Variants in ANKRD31 observed in about 807,000 individuals in gnomAD.
ANKRD31 encodes ankyrin repeat domain-containing protein 31.
Under a neutral mutation model 186.0 loss-of-function variants are expected in ANKRD31, and 147 were observed. That is an observed-to-expected ratio of 0.79 (90% CI 0.69 to 0.91). The LOEUF is 0.91. Among genes scored for constraint, ANKRD31 ranks in the 40% least tolerant of loss-of-function variants. The pLI, the probability that ANKRD31 is intolerant of heterozygous loss-of-function variation, is 0.00. For missense variants in ANKRD31, 1,986 were observed against 2,148.8 expected (o/e 0.92, Z 1.50); for synonymous variants, 673 against 736.4 (o/e 0.91, Z 1.39).
At position 75,188,566 on chromosome 5, in the gene ANKRD31, A is replaced by G. The variant is rs1189623266; in HGVS notation, c.1491T>C (p.Ala497=). Residue 497 remains alanine, a synonymous_variant, in exon 10 of 26, where the codon GCT becomes GCC. Coordinates refer to ENST00000506364, the MANE Select transcript of ANKRD31 (RefSeq NM_001372053.1). ...GAACAAGATCAGCATCATCGTGTAG[A>G]GCAGCCTTATATACTAAGTTCTCTC... ...IFGENLVYKA[A]LHDDADLVHH... 6.5e-7 allele frequency: 1 copy of G among 1,536,456 alleles called. No individual in the cohort carries two copies. Among genetic ancestry groups the G allele is most frequent in the Non-Finnish European group, 8.7e-7 (1 of 1,146,498 alleles).
At chr5:75,100,554 G>T (rs1394681027) in intron 22 of ANKRD31, among the ~76,000 whole-genome samples, 1 of 152,104 alleles carries the variant, frequency 6.6e-6, no homozygotes, top group South Asian at 2.1e-4. Context: ...TTGTGTGGGG[G>T]TCTAAGTCTC....
At chr5:75,212,594 C>A (rs1258456212) in intron 3 of ANKRD31, among the ~76,000 whole-genome samples, 3 of 152,184 alleles carry the variant, frequency 2.0e-5, no homozygotes, top group Admixed American at 1.3e-4. Flanking sequence ...GATGGCACCA[C>A]TGCACCCCAG....
chr5:75,116,448 A>G, intron 19 of ANKRD31, 118 bp downstream of exon 19: 1 of 375,344 alleles, frequency 2.7e-6, no homozygotes, highest in Non-Finnish European at 4.4e-6. Context: ...ATAAATAAAA[A>G]ATTTCTATCT....
At position 75,084,302 on chromosome 5, in the gene ANKRD31, C is replaced by T; in HGVS notation, c.5545G>A (p.Val1849Ile). 1 of 1,537,068 alleles carries T rather than the reference C, an allele frequency of 6.5e-7. No individual in the cohort carries two copies. The highest frequency in any genetic ancestry group is 2.4e-5 in the East Asian group (1 of 40,894). Residue 1849 changes from valine to isoleucine, a missense_variant, in exon 24 of 26, where the codon GTA (valine) becomes ATA (isoleucine). Val to Ile is a conservative substitution (Grantham distance 29, BLOSUM62 3). Coordinates refer to ENST00000506364, the MANE Select transcript of ANKRD31 (RefSeq NM_001372053.1). ...AGACAAGGTTGATATTGCTGAGGTACTGAGTTTGGTTCTGGAAGTATGGGT... is the reference window on the plus strand; with the variant it reads ...AGACAAGGTTGATATTGCTGAGGTATTGAGTTTGGTTCTGGAAGTATGGGT... ...DAPILPEPNS[V>I]PQQYQPCLPE...
intron 19 of ANKRD31, among the ~76,000 whole-genome samples, chr5:75,114,037 A>G (rs1016913893): frequency 1.3e-5 from 2 of 152,190 alleles, no homozygotes; most frequent in Non-Finnish European, 2.9e-5. Context: ...TGAGGATGCT[A>G]CCTTGGTTAA....
At chr5:75,189,762 T>G (rs1436075790) in intron 9 of ANKRD31, among the ~76,000 whole-genome samples, 4 of 152,200 alleles carry the variant, frequency 2.6e-5, no homozygotes, top group Non-Finnish European at 4.4e-5. Context: ...ATGTCCATTG[T>G]CAGGTTGAAT....
In ANKRD31 at chr5:75,146,627, A is replaced by G; in HGVS notation, c.2784T>C (p.Tyr928=). Residue 928 remains tyrosine (Y), a synonymous_variant, in exon 14 of 26, where the codon TAT becomes TAC. Transcript: ENST00000506364. ...TATTTGTTAAATTCTCCTTAAAATT[A>G]TAGTGTTTTTTGCCACCTGTAGAAC... The part of the protein sequence containing the change: ...VLCSTGGKKH[Y]NFKENLTNKK... The G allele has an allele frequency of 6.5e-7, 1 of 1,535,626 alleles. No homozygotes were observed. The highest frequency in any genetic ancestry group is 8.7e-7 in the Non-Finnish European group (1 of 1,146,126).
At chr5:75,167,056 C>A (rs565948193) in intron 11 of ANKRD31, among the ~76,000 whole-genome samples, 4 of 151,976 alleles carry the variant, frequency 2.6e-5, no homozygotes, top group African/African-American at 7.2e-5. Context: ...CTAAAAGAAA[C>A]CCTTTAACCA....
At chr5:75,085,759 G>T (rs1263739429) in intron 23 of ANKRD31, among the ~76,000 whole-genome samples, 2 of 152,088 alleles carry the variant, frequency 1.3e-5, no homozygotes, top group Non-Finnish European at 2.9e-5. Flanking sequence ...ATTTGTGTTT[G>T]TAAAAAAAGT....
At position 75,099,153 on chromosome 5, in the gene ANKRD31, T is replaced by C. The variant is rs1011564193; in HGVS notation, c.5331+5075A>G. Among the ~76,000 whole-genome samples the C allele has an allele frequency of 5.9e-5, 9 of 152,326 alleles. No individual in the cohort carries two copies. In the East Asian group the frequency reaches 1.7e-3, roughly 29 times the overall value. ...TTTTTAGCATGAAGTATTGTTGACT[T>C]TTGTCACAGGCCTTTTCTGCATCTA... On this transcript the variant is annotated intron_variant, in intron 22 of 25. Transcript: ENST00000506364.
intron 2 of ANKRD31, among the ~76,000 whole-genome samples, chr5:75,225,905 G>T (rs1253990196): frequency 6.6e-6 from 1 of 152,190 alleles, no homozygotes. Flanking sequence ...TTCTGGACCT[G>T]CCCTGGGCCA....
At chr5:75,120,916 G>A (rs1748714456) in intron 17 of ANKRD31, among the ~76,000 whole-genome samples, 1 of 152,152 alleles carries the variant, frequency 6.6e-6, no homozygotes, top group Admixed American at 6.5e-5. Flanking sequence ...AGGGTGCGGT[G>A]GCTCACGCCT....
intron 11 of ANKRD31, among the ~76,000 whole-genome samples, chr5:75,161,521 A>G (rs1387290910): frequency 6.6e-6 from 1 of 152,220 alleles, no homozygotes; most frequent in Non-Finnish European, 1.5e-5. Context: ...AAGGCAATAG[A>G]AAAGAAAATC....
At chr5:75,073,780 G>T (rs2149999824) in intron 25 of ANKRD31, among the ~76,000 whole-genome samples, 1 of 152,240 alleles carries the variant, frequency 6.6e-6, no homozygotes, top group East Asian at 1.9e-4. Context: ...GCTTTGCTTG[G>T]AGATAAACCT....
rs1204769575 is a variant in ANKRD31, at chr5:75,193,249, C to A, written c.1298+62G>T. On this transcript the variant is annotated intron_variant, in intron 8 of 25. Coordinates refer to ENST00000506364, the MANE Select transcript of ANKRD31 (RefSeq NM_001372053.1). ...GTATACTGACCCTGATGTCCCCAAGCATATAATTATCTATAATGTCTATAG... is the reference window on the plus strand; with the variant it reads ...GTATACTGACCCTGATGTCCCCAAGAATATAATTATCTATAATGTCTATAG... The A allele has an allele frequency of 4.1e-6, 6 of 1,468,598 alleles. No homozygotes were observed. In the African/African-American group the frequency reaches 8.5e-5, roughly 21 times the overall value. The allele number at this position is 1,468,598 out of a possible 1,614,324, so 91.0% of individuals were successfully genotyped here.
chr5:75,222,040 T>A (rs922318565), intron 3 of ANKRD31, among the ~76,000 whole-genome samples: 1 of 152,208 alleles, frequency 6.6e-6, no homozygotes, highest in African/African-American at 2.4e-5. Flanking sequence ...GGATCAACTG[T>A]ATTTTAAATT....
At chr5:75,170,564 A>C (rs1227739959) in intron 10 of ANKRD31, among the ~76,000 whole-genome samples, 2 of 152,026 alleles carry the variant, frequency 1.3e-5, no homozygotes, top group Non-Finnish European at 2.9e-5. Flanking sequence ...TAAATGGGTA[A>C]ATTGTGTGTC....
chr5:75,086,683 G>A (rs1022619142), intron 23 of ANKRD31, among the ~76,000 whole-genome samples: 1 of 152,210 alleles, frequency 6.6e-6, no homozygotes, highest in South Asian at 2.1e-4. Context: ...CATGTTCGGT[G>A]AGGATATCTG....
chr5:75,161,827 G>T (rs1427831320), intron 11 of ANKRD31, among the ~76,000 whole-genome samples: 1 of 152,250 alleles, frequency 6.6e-6, no homozygotes, highest in Non-Finnish European at 1.5e-5. Context: ...GCTTCAGAGG[G>T]TTCAAGCCCC....
Sources: gnomAD v4.1 joint callset for allele counts (sites outside exome capture counted in the v4.1 genomes callset) on GRCh38, gnomAD v4.1.1 for gene constraint, MANE v1.5 for transcripts, NCBI Gene and HGNC (gene_info 2026-07-23, HGNC 2026-07-21) for gene names.